The following CACHD1 variants were observed in gnomAD, a reference collection of about 807,000 sequenced individuals.
CACHD1 encodes the protein VWFA and cache domain-containing protein 1.
A neutral mutation model predicts 138.7 loss-of-function variants in CACHD1; 71 were observed. The ratio of observed to expected loss-of-function variants is 0.51; its 90% CI spans 0.42 to 0.62. The LOEUF (loss-of-function observed/expected upper bound fraction) is 0.62, where lower values mean the gene tolerates loss of function less well. Ranked by LOEUF, CACHD1 falls within the 20% of genes least tolerant of loss-of-function variation. The pLI, the probability that CACHD1 is intolerant of heterozygous loss-of-function variation, is 0.00. For missense variants in CACHD1, 1,389 were observed against 1,625.3 expected (o/e 0.85, Z 2.50); for synonymous variants, 578 against 591.5 (o/e 0.98, Z 0.33).
intron 3 of CACHD1, among the ~76,000 whole-genome samples, chr1:64,593,107 A>G (rs1647121042): frequency 6.6e-6 from 1 of 152,318 alleles, no homozygotes; most frequent in African/African-American, 2.4e-5. Context: ...GCTGATTTGG[A>G]GTTGCACGTA....
intron 22 of CACHD1, among the ~76,000 whole-genome samples, chr1:64,677,422 C>T (rs1272823031): frequency 6.6e-6 from 1 of 152,194 alleles, no homozygotes; most frequent in East Asian, 1.9e-4. Flanking sequence ...TCCCCGCTCT[C>T]TCCCCACTCC....
At chr1:64,549,938 G>T (rs193160386) in intron 1 of CACHD1, among the ~76,000 whole-genome samples, 1 of 152,168 alleles carries the variant, frequency 6.6e-6, no homozygotes, top group Admixed American at 6.6e-5. Context: ...TTAAATAGAG[G>T]CAATGTATGG....
chr1:64,597,110 G>C (rs1647159210), intron 3 of CACHD1, among the ~76,000 whole-genome samples: 1 of 151,996 alleles, frequency 6.6e-6, no homozygotes, highest in African/African-American at 2.4e-5. Context: ...GGGAGGCGGG[G>C]TCTTTATATC....
chr1:64,501,676 C>T (rs1646341185), intron 1 of CACHD1, among the ~76,000 whole-genome samples: 1 of 152,182 alleles, frequency 6.6e-6, no homozygotes, highest in Non-Finnish European at 1.5e-5. Flanking sequence ...AAGTGTAATA[C>T]AAACACCTTG....
At chr1:64,663,605 G>T in intron 13 of CACHD1, 90 bp from the exon 14 acceptor site, 3 of 1,421,302 alleles carry the variant, frequency 2.1e-6, no homozygotes, top group South Asian at 1.3e-5. Context: ...CACCATAGCT[G>T]ACAGATTGGC....
intron 8 of CACHD1, among the ~76,000 whole-genome samples, chr1:64,645,582 G>A (rs1648876737): frequency 6.6e-6 from 1 of 152,184 alleles, no homozygotes; most frequent in Admixed American, 6.5e-5. Flanking sequence ...CCCAAGATGG[G>A]GAGGTGACAT....
chr1:64,677,120 A>G, intron 22 of CACHD1, 109 bp downstream of exon 22: 3 of 839,786 alleles, frequency 3.6e-6, no homozygotes, highest in South Asian at 1.6e-5. Flanking sequence ...ACTGATTTCC[A>G]TAAGCCTTTA....
chr1:64,641,402 T>C (rs1648709098), intron 7 of CACHD1, among the ~76,000 whole-genome samples: 1 of 152,212 alleles, frequency 6.6e-6, no homozygotes, highest in African/African-American at 2.4e-5. Context: ...GTCATCATTT[T>C]AAAGCCTGGT....
At chr1:64,638,747 G>T (rs1648605155) in intron 7 of CACHD1, among the ~76,000 whole-genome samples, 1 of 152,048 alleles carries the variant, frequency 6.6e-6, no homozygotes. Flanking sequence ...CCAGTTACAT[G>T]CTGCATCTCT....
chr1:64,570,563 C>T (rs536822009), intron 2 of CACHD1, among the ~76,000 whole-genome samples: 1 of 152,112 alleles, frequency 6.6e-6, no homozygotes, highest in Non-Finnish European at 1.5e-5. Flanking sequence ...CAATAGAAAG[C>T]AGGCATGCCC....
chr1:64,628,221 G>A (rs1648179977), intron 4 of CACHD1, among the ~76,000 whole-genome samples: 1 of 152,164 alleles, frequency 6.6e-6, no homozygotes, highest in Non-Finnish European at 1.5e-5. Flanking sequence ...AAAGCTTAAT[G>A]TATTTTCTGG....
chr1:64,656,007 G>A (rs529143886), intron 12 of CACHD1, among the ~76,000 whole-genome samples: 2 of 152,310 alleles, frequency 1.3e-5, no homozygotes, highest in South Asian at 4.1e-4. Context: ...AGAGCATCGA[G>A]CCTAGTGGTG....
At chr1:64,521,425 A>G (rs961484768) in intron 1 of CACHD1, among the ~76,000 whole-genome samples, 3 of 152,244 alleles carry the variant, frequency 2.0e-5, no homozygotes, top group African/African-American at 7.2e-5. Context: ...AATTATCTGA[A>G]TTAACTTTCT....
chr1:64,633,198 C>G (rs1359916444), intron 6 of CACHD1, among the ~76,000 whole-genome samples: 1 of 152,166 alleles, frequency 6.6e-6, no homozygotes, highest in Non-Finnish European at 1.5e-5. Flanking sequence ...CTGCCTATCG[C>G]TTTCTCACCA....
chr1:64,496,227 T>C (rs1239602598), intron 1 of CACHD1, among the ~76,000 whole-genome samples: 1 of 152,216 alleles, frequency 6.6e-6, no homozygotes, highest in Non-Finnish European at 1.5e-5. Context: ...TGTCAAATTG[T>C]GCAAAATTGC....
At chr1:64,684,063 G>T (rs1460470086) in intron 26 of CACHD1, among the ~76,000 whole-genome samples, 1 of 152,212 alleles carries the variant, frequency 6.6e-6, no homozygotes, top group Non-Finnish European at 1.5e-5. Flanking sequence ...AGATTATAAT[G>T]GAGCTGAAAA....
At chr1:64,628,575 T>G (rs981109529) in intron 4 of CACHD1, among the ~76,000 whole-genome samples, 2 of 152,054 alleles carry the variant, frequency 1.3e-5, no homozygotes, top group Non-Finnish European at 2.9e-5. Flanking sequence ...GCTGAGGGAA[T>G]GGCAGACGCA....
chr1:64,575,009 T>A (rs1291580946), intron 2 of CACHD1, among the ~76,000 whole-genome samples: 1 of 152,228 alleles, frequency 6.6e-6, no homozygotes, highest in African/African-American at 2.4e-5. Context: ...TACTTATAGC[T>A]TTATCCTTTT....
At chr1:64,666,019 A>G in intron 15 of CACHD1, 38 bp from the exon 16 acceptor site, 1 of 1,267,580 alleles carries the variant, frequency 7.9e-7, no homozygotes, top group Non-Finnish European at 1.1e-6. Flanking sequence ...AAAATAAATA[A>G]AAAATAAAAT....
Sources: allele counts gnomAD v4.1 joint callset (sites outside exome capture counted in the v4.1 genomes callset), GRCh38; gene constraint gnomAD v4.1.1; transcripts MANE v1.5; gene names NCBI Gene and HGNC (gene_info 2026-07-23, HGNC 2026-07-21).